FHOD3: variants seen among roughly 807,000 people sequenced by gnomAD.
FHOD3 encodes the protein formin homology 2 domain containing 3.
In FHOD3, 90 loss-of-function variants were observed where a neutral mutation model predicts 173.0. The ratio of observed to expected loss-of-function variants is 0.52; its 90% CI spans 0.44 to 0.62. FHOD3 has a LOEUF of 0.62. Among genes scored for constraint, FHOD3 ranks in the 20% least tolerant of loss-of-function variants. The pLI, the probability that FHOD3 is intolerant of heterozygous loss-of-function variation, is 0.00. For missense variants in FHOD3, 1,945 were observed against 2,034.7 expected (o/e 0.96, Z 0.85); for synonymous variants, 828 against 823.0 (o/e 1.01, Z -0.10).
At chr18:36,408,579 AG>A (rs199503943) in intron 3 of FHOD3, among the ~76,000 whole-genome samples, 40 of 152,250 alleles carry the variant, frequency 2.6e-4, no homozygotes, top group African/African-American at 9.4e-4. Flanking sequence ...TCCATCACCG[AG>A]GAATGAAGCT....
intron 1 of FHOD3, among the ~76,000 whole-genome samples, chr18:36,348,613 C>T (rs1486840187): frequency 6.6e-6 from 1 of 152,162 alleles, no homozygotes; most frequent in Non-Finnish European, 1.5e-5. Flanking sequence ...TTGCCTCCTG[C>T]TGTGTCCTCT....
At chr18:36,667,010 G>A (rs1054590034) in intron 14 of FHOD3, among the ~76,000 whole-genome samples, 1 of 152,186 alleles carries the variant, frequency 6.6e-6, no homozygotes, top group Non-Finnish European at 1.5e-5. Flanking sequence ...AGTGTAATCA[G>A]GCAGTATATA....
chr18:36,602,818 T>A (rs1358398896), intron 8 of FHOD3, 50 bp downstream of exon 8: 3 of 1,376,324 alleles, frequency 2.2e-6, no homozygotes, highest in Non-Finnish European at 3.1e-6. Context: ...AAAGATATGT[T>A]AAAGCCCTGA....
intron 17 of FHOD3, among the ~76,000 whole-genome samples, chr18:36,695,694 G>A (rs1392743673): frequency 2.0e-5 from 3 of 152,234 alleles, no homozygotes; most frequent in Non-Finnish European, 4.4e-5. Context: ...TGTATGAAAA[G>A]ATGGTGGTCT....
At chr18:36,447,287 C>T (rs1481403114) in intron 3 of FHOD3, among the ~76,000 whole-genome samples, 1 of 152,078 alleles carries the variant, frequency 6.6e-6, no homozygotes, top group Non-Finnish European at 1.5e-5. Flanking sequence ...TGTAGGTCAA[C>T]CTCGTGTCAC....
intron 2 of FHOD3, among the ~76,000 whole-genome samples, chr18:36,371,077 G>A (rs1023578743): frequency 1.2e-4 from 18 of 152,200 alleles, no homozygotes; most frequent in African/African-American, 4.3e-4. Flanking sequence ...TTGGCTGCAA[G>A]CTTCTTGAGA....
At chr18:36,629,403 ATG>A (rs143938052) in intron 10 of FHOD3, among the ~76,000 whole-genome samples, 1,799 of 152,316 alleles carry the variant, frequency 0.012, 29 homozygotes, top group African/African-American at 0.041. Context: ...ACCATTAAAA[ATG>A]TGAAAACCAC....
At chr18:36,318,081 A>G (rs567193574) in intron 1 of FHOD3, among the ~76,000 whole-genome samples, 2 of 152,276 alleles carry the variant, frequency 1.3e-5, no homozygotes, top group East Asian at 3.9e-4. Context: ...CCATTGGTCT[A>G]TGTATCTGTT....
chr18:36,711,602 C>T lies in FHOD3; in HGVS notation c.2533+2211C>T, dbSNP rs113001300. 1.1e-3 allele frequency: 167 copies of T among 152,282 alleles called. 3 individuals carry two copies. Among genetic ancestry groups the T allele is most frequent in the African/African-American group, 3.9e-3 (160 of 41,552 alleles). 9.4% of individuals were successfully genotyped at this position (152,282 alleles called of 1,614,324 possible). On this transcript the variant is annotated intron_variant, in intron 18 of 28. Coordinates refer to ENST00000590592, the MANE Select transcript of FHOD3 (RefSeq NM_001281740.3). ...AACAATCGATGAATAAATGAAGAGGCGTCTGGCTAAGATGGGGAAGCTTCA... is the reference window on the plus strand; with the variant it reads ...AACAATCGATGAATAAATGAAGAGGTGTCTGGCTAAGATGGGGAAGCTTCA...
rs1163117392 is a variant in FHOD3, at chr18:36,687,154, A to C, written c.1997A>C (p.Glu666Ala). Residue 666 changes from glutamate (E) to alanine (A), a missense_variant, in exon 16 of 29, where the codon GAG (glutamate) becomes GCG (alanine). This residue lies in a region of FHOD3 where 1,099 missense variants were observed against 1,051.2 expected (regional missense o/e 1.05). Transcript: ENST00000590592. ...CGAGATTATTTAGACAAAAGAGAGG[A>C]GCAAAGGCAAGCAAGAGAAGAAAGG... ...FSRDYLDKRE[E>A]QRQAREERYK... 1 of 1,611,554 alleles carries C rather than the reference A, an allele frequency of 6.2e-7. No individual in the cohort carries two copies. The highest frequency in any genetic ancestry group is 1.1e-5 in the South Asian group (1 of 90,814).
At chr18:36,380,543 CTTTCTTTTGTTTTCT>C (rs150332495) in intron 3 of FHOD3, among the ~76,000 whole-genome samples, 6,412 of 118,132 alleles carry the variant, frequency 0.054, 1,099 homozygotes, top group East Asian at 0.24. Context: ...CTTTCTCTCT[CTTTCTTTTGTTTTCT>C]TTTCTTTTCT....
At chr18:36,653,478 AT>A in intron 13 of FHOD3, 62 bp downstream of exon 13, 1 of 1,247,018 alleles carries the variant, frequency 8.0e-7, no homozygotes, top group Non-Finnish European at 1.1e-6. Context: ...TAATGTATGC[AT>A]TTTTCTTTTC....
At chr18:36,649,750 T>A (rs1305720830) in intron 11 of FHOD3, among the ~76,000 whole-genome samples, 1 of 152,206 alleles carries the variant, frequency 6.6e-6, no homozygotes, top group African/African-American at 2.4e-5. Flanking sequence ...ATTCTTGCCC[T>A]TTCAGCATTG....
chr18:36,699,969 C>T (rs993172813), intron 17 of FHOD3, among the ~76,000 whole-genome samples: 2 of 152,276 alleles, frequency 1.3e-5, no homozygotes, highest in South Asian at 2.1e-4. Flanking sequence ...TAGATCATCT[C>T]CAGGCTAAAC....
intron 5 of FHOD3, among the ~76,000 whole-genome samples, chr18:36,572,207 TAGACCTGTGGTGCCA>T (rs753526795): frequency 1.3e-5 from 2 of 152,234 alleles, no homozygotes; most frequent in African/African-American, 2.4e-5. Flanking sequence ...GCTCTCTTCC[TAGACCTGTGGTGCCA>T]TCTACCTCTG....
At chr18:36,741,635 G>A (rs1169933767) in intron 21 of FHOD3, among the ~76,000 whole-genome samples, 1 of 152,120 alleles carries the variant, frequency 6.6e-6, no homozygotes, top group Non-Finnish European at 1.5e-5. Context: ...GCCAGGTGTT[G>A]TGGCATGTAC....
intron 27 of FHOD3, among the ~76,000 whole-genome samples, chr18:36,766,080 A>G (rs1363488041): frequency 4.6e-5 from 7 of 152,154 alleles, no homozygotes; most frequent in Non-Finnish European, 1.0e-4. Context: ...AAAACAGAGA[A>G]GAAAGATACA....
At chr18:36,532,717 G>A (rs1224521114) in intron 5 of FHOD3, among the ~76,000 whole-genome samples, 4 of 152,136 alleles carry the variant, frequency 2.6e-5, no homozygotes, top group African/African-American at 4.8e-5. Flanking sequence ...GAGACCCACC[G>A]GGTCCCACCC....
At chr18:36,631,520 C>T (rs2034511952) in intron 10 of FHOD3, among the ~76,000 whole-genome samples, 1 of 152,218 alleles carries the variant, frequency 6.6e-6, no homozygotes. Context: ...GTAACAGCCA[C>T]AACAACAGCT....
Sources: gnomAD v4.1 joint callset for allele counts (sites outside exome capture counted in the v4.1 genomes callset) on GRCh38, gnomAD v4.1.1 for gene constraint, gnomAD v4.1.1 regional missense constraint, MANE v1.5 for transcripts, NCBI Gene and HGNC (gene_info 2026-07-23, HGNC 2026-07-21) for gene names.